CD109: variants seen among roughly 807,000 people sequenced by gnomAD.
CD109 encodes CD109 antigen.
In CD109, 149 loss-of-function variants were observed where a neutral mutation model predicts 165.8. That is an observed-to-expected ratio of 0.90 (90% CI 0.79 to 1.03). CD109 has a LOEUF of 1.03. Among genes scored for constraint, CD109 ranks in the 50% least tolerant of loss-of-function variants. The probability of loss-of-function intolerance (pLI) is 0.00; values close to 1 mark genes in which losing one functional copy is unlikely to be tolerated. For synonymous variants in CD109, 585 were observed against 592.1 expected, an observed-to-expected ratio of 0.99 and a Z score of 0.18; for missense variants, 1,712 against 1,677.8, an observed-to-expected ratio of 1.02 and a Z score of -0.36.
chr6:73,692,916 T>C (rs976421629), upstream of CD109, among the ~76,000 whole-genome samples: 1 of 152,200 alleles, frequency 6.6e-6, no homozygotes, highest in African/African-American at 2.4e-5. Flanking sequence ...TAAATCTCTT[T>C]CCTTTATAAA....
chr6:73,763,197 C>T (rs961934905), intron 9 of CD109, among the ~76,000 whole-genome samples: 2 of 152,108 alleles, frequency 1.3e-5, no homozygotes, highest in Non-Finnish European at 2.9e-5. Flanking sequence ...TTTAAAATCA[C>T]TGAAATCTCA....
chr6:73,808,217 G>T lies in CD109; in HGVS notation c.3324G>T (p.Leu1108Phe). The T allele has an allele frequency of 6.2e-7, 1 of 1,613,366 alleles. No individual in the cohort carries two copies. Among genetic ancestry groups the T allele is most frequent in the East Asian group, 2.2e-5 (1 of 44,852 alleles). The stretch of plus-strand genomic sequence containing the variant: ...GGAGTCCTAAAGCGAAGGAAGCTTT[G>T]AATATGCTGACTTGGAGAGCAGAAC... ...SVGSPKAKEA[L>F]NMLTWRAEQE... The change falls in exon 26 of 33, where the codon TTG becomes TTT. Residue 1108 changes from leucine to phenylalanine, a missense_variant. By Grantham distance (22) the Leu-to-Phe change is conservative (BLOSUM62 0). Transcript: ENST00000287097.
rs1185147860 is a variant in CD109, at chr6:73,792,699, C to G, written c.2775C>G (p.Asn925Lys). The change falls in exon 23 of 33, where the codon AAC becomes AAG. Residue 925 changes from asparagine (N) to lysine (K), a missense_variant. Physicochemically the swap from Asn to Lys is moderately conservative, Grantham distance 94. Transcript: ENST00000287097. ...IRMPYGCGEQ[N>K]MINFAPNIYI... ...TGCCTTATGGCTGTGGTGAACAGAA[C>G]ATGATAAATTTTGCTCCAAATATTT... 1.2e-6 allele frequency: 2 copies of G among 1,612,950 alleles called. No individual in the cohort carries two copies. The highest frequency in any genetic ancestry group is 2.7e-5 in the African/African-American group (2 of 74,892).
chr6:73,777,639 A>G (rs1209224598), intron 15 of CD109, among the ~76,000 whole-genome samples: 3 of 152,198 alleles, frequency 2.0e-5, no homozygotes, highest in Non-Finnish European at 4.4e-5. Flanking sequence ...ATGGCTAGCC[A>G]GCTCTCCCAG....
chr6:73,788,416 C>T, intron 21 of CD109, 52 bp from the exon 22 acceptor site: 3 of 1,548,160 alleles, frequency 1.9e-6, no homozygotes, highest in Non-Finnish European at 2.6e-6. Context: ...GTATAGTTCT[C>T]TGTAAACATG....
chr6:73,798,200 C>T lies in CD109; in HGVS notation c.2879-5020C>T, dbSNP rs141780858. ...TACGATCTTGGCTCACTGCAACCTC[C>T]GCCTCCCAGGTTCAAGCGATTCTCC... On this transcript the variant is annotated intron_variant, in intron 23 of 32. Coordinates refer to ENST00000287097, the MANE Select transcript of CD109 (RefSeq NM_133493.5). 1.3e-3 allele frequency among the ~76,000 whole-genome samples: 204 copies of T among 151,838 alleles called. 1 individual carries two copies. The highest frequency in any genetic ancestry group is 4.4e-3 in the African/African-American group (183 of 41,388).
intron 2 of CD109, among the ~76,000 whole-genome samples, chr6:73,720,406 C>T (rs758087776): frequency 1.3e-5 from 2 of 151,808 alleles, no homozygotes; most frequent in Non-Finnish European, 2.9e-5. Context: ...TTCAGTTATA[C>T]GGGAGGAATA....
intron 2 of CD109, among the ~76,000 whole-genome samples, chr6:73,699,377 G>T (rs1190613658): frequency 6.6e-6 from 1 of 151,882 alleles, no homozygotes; most frequent in Admixed American, 6.6e-5. Context: ...AAAAAAAAAA[G>T]AATTTATAAT....
intron 23 of CD109, among the ~76,000 whole-genome samples, chr6:73,794,080 C>T (rs1775067624): frequency 6.6e-6 from 1 of 152,104 alleles, no homozygotes; most frequent in Non-Finnish European, 1.5e-5. Context: ...TGTGTAGAGA[C>T]CTTTTTATTC....
intron 24 of CD109, among the ~76,000 whole-genome samples, chr6:73,805,664 T>A (rs1775535753): frequency 6.6e-6 from 1 of 152,200 alleles, no homozygotes; most frequent in African/African-American, 2.4e-5. Flanking sequence ...GGACAATACC[T>A]GGCTTTCCTA....
chr6:73,818,344 G>T, intron 30 of CD109, 44 bp from the exon 31 acceptor site: 1 of 1,609,178 alleles, frequency 6.2e-7, no homozygotes, highest in East Asian at 2.2e-5. Flanking sequence ...ACAGCTATGG[G>T]TTTTTCCTGA....
intron 5 of CD109, among the ~76,000 whole-genome samples, chr6:73,752,668 A>G (rs551876883): frequency 2.0e-5 from 3 of 152,318 alleles, no homozygotes; most frequent in South Asian, 2.1e-4. Flanking sequence ...AGCTTTCCCC[A>G]TGGAAGAGTG....
Position 73,785,421 on chromosome 6 carries a change from G to A in CD109, c.2281G>A (p.Gly761Ser). The A allele has an allele frequency of 6.2e-7, 1 of 1,608,420 alleles. No homozygotes were observed. The highest frequency in any genetic ancestry group is 1.1e-5 in the South Asian group (1 of 89,586). Residue 761 changes from glycine (G) to serine (S), a missense_variant, in exon 20 of 33, where the codon GGT (glycine) becomes AGT (serine). Coordinates refer to ENST00000287097, the MANE Select transcript of CD109 (RefSeq NM_133493.5). ...FLNLPYSVIR[G>S]EEFALEITIF... is the part of the protein sequence containing the mutation. The stretch of plus-strand genomic sequence containing the variant: ...GAATCTTCCCTACTCTGTTATCAGA[G>A]GTGAAGAATTTGCTTTGGAAATAAC...
chr6:73,827,304 T>G lies in CD109; in HGVS notation c.*3671T>G, dbSNP rs1042059452. On this transcript the variant is annotated 3_prime_UTR_variant, in exon 33 of 33. Coordinates refer to ENST00000287097, the MANE Select transcript of CD109 (RefSeq NM_133493.5). ...GCGCATTGTAAATTTAAGACACTTA[T>G]AGTAAGTGGACTCATTCATAGATGA... 1 of 152,170 alleles carries G rather than the reference T, an allele frequency of 6.6e-6. No individual in the cohort carries two copies. Among genetic ancestry groups the G allele is most frequent in the Non-Finnish European group, 1.5e-5 (1 of 68,034 alleles). 9.4% of individuals were successfully genotyped at this position (152,170 alleles called of 1,614,324 possible). A position where few individuals can be genotyped will look rare whatever the true frequency, so the allele number is the denominator to read the frequency against.
At chr6:73,758,050 G>T (rs1206275493) in intron 6 of CD109, among the ~76,000 whole-genome samples, 1 of 152,000 alleles carries the variant, frequency 6.6e-6, no homozygotes, top group Non-Finnish European at 1.5e-5. Flanking sequence ...TGGTGGTGGG[G>T]GTTGCGGGGG....
intron 15 of CD109, among the ~76,000 whole-genome samples, chr6:73,779,845 AC>A (rs1163803723): frequency 3.3e-5 from 5 of 152,068 alleles, no homozygotes; most frequent in Non-Finnish European, 5.9e-5. Context: ...AGCAATGAGT[AC>A]TATTCTTAAA....
chr6:73,807,183 G>A, intron 25 of CD109, 111 bp downstream of exon 25: 1 of 758,914 alleles, frequency 1.3e-6, no homozygotes, highest in Non-Finnish European at 2.1e-6. Context: ...TACAACACAT[G>A]TGAAATCTGA....
At chr6:73,706,618 A>T (rs1416092510) in intron 2 of CD109, among the ~76,000 whole-genome samples, 2 of 152,172 alleles carry the variant, frequency 1.3e-5, no homozygotes, top group East Asian at 3.9e-4. Context: ...GAATTCTATG[A>T]GGAGACTTTC....
intron 7 of CD109, among the ~76,000 whole-genome samples, 163 bp from the exon 8 acceptor site, chr6:73,762,221 A>G (rs555827315): frequency 3.0e-4 from 46 of 152,348 alleles, no homozygotes; most frequent in African/African-American, 1.1e-3. Context: ...TCGGCCTCCC[A>G]AAGTGCTGGG....
Sources: allele counts gnomAD v4.1 joint callset (sites outside exome capture counted in the v4.1 genomes callset), GRCh38; gene constraint gnomAD v4.1.1; transcripts MANE v1.5; gene names NCBI Gene and HGNC (gene_info 2026-07-23, HGNC 2026-07-21).